NEK10: variants seen among roughly 807,000 people sequenced by gnomAD.
The protein encoded by NEK10 is serine/threonine-protein kinase Nek10.
In NEK10, 122 loss-of-function variants were observed where a neutral mutation model predicts 159.8. The observed-to-expected ratio is 0.76, with a 90% CI of 0.66 to 0.89. The LOEUF is 0.89. NEK10 is among the 40% of genes least tolerant of loss of function. The pLI is 0.00. For missense variants in NEK10, 1,342 were observed against 1,323.1 expected (o/e 1.01, Z -0.22); for synonymous variants, 466 against 457.1 (o/e 1.02, Z -0.25).
chr3:27,287,288 T>A (rs2042691261), intron 20 of NEK10, among the ~76,000 whole-genome samples: 1 of 152,184 alleles, frequency 6.6e-6, no homozygotes, highest in South Asian at 2.1e-4. Context: ...GAACTTCAGG[T>A]AAAAGAAATC....
intron 22 of NEK10, among the ~76,000 whole-genome samples, chr3:27,272,413 A>G (rs1271153755): frequency 1.3e-5 from 2 of 152,132 alleles, no homozygotes; most frequent in African/African-American, 4.8e-5. Context: ...TTGTATCTGC[A>G]TCTTTCTTTT....
intron 23 of NEK10, among the ~76,000 whole-genome samples, chr3:27,238,952 A>G (rs1954265945): frequency 6.6e-6 from 1 of 152,088 alleles, no homozygotes; most frequent in African/African-American, 2.4e-5. Context: ...CCCTCTATAA[A>G]TGAAGATTTG....
At chr3:27,211,860 A>G (rs1951035046) in intron 23 of NEK10, among the ~76,000 whole-genome samples, 1 of 152,224 alleles carries the variant, frequency 6.6e-6, no homozygotes, top group Non-Finnish European at 1.5e-5. Flanking sequence ...CCATGAAGAA[A>G]ACAGACTATT....
chr3:27,236,285 C>T (rs1953906055), intron 23 of NEK10, among the ~76,000 whole-genome samples: 1 of 151,932 alleles, frequency 6.6e-6, no homozygotes, highest in Admixed American at 6.6e-5. Context: ...TACACCTGAA[C>T]TTAAAAGTTA....
intron 22 of NEK10, among the ~76,000 whole-genome samples, chr3:27,277,505 A>C (rs141254060): frequency 7.9e-5 from 12 of 152,138 alleles, no homozygotes; most frequent in African/African-American, 2.7e-4. Flanking sequence ...TCTGAGGATA[A>C]GTCTTTGACC....
At chr3:27,117,900 T>C (rs1262371887) in intron 33 of NEK10, among the ~76,000 whole-genome samples, 1 of 152,334 alleles carries the variant, frequency 6.6e-6, no homozygotes, top group Admixed American at 6.5e-5. Context: ...CCCAGGCCTA[T>C]GTCCTGAATG....
intron 1 of NEK10, among the ~76,000 whole-genome samples, chr3:27,368,802 A>T (rs2049297131): frequency 6.6e-6 from 1 of 152,140 alleles, no homozygotes; most frequent in South Asian, 2.1e-4. Flanking sequence ...GGCTCACCGA[A>T]GTAGGGCAGA....
At chr3:27,282,636 T>TGTGTTATATATATATACATAACC (rs2042279805) in intron 22 of NEK10, among the ~76,000 whole-genome samples, 1 of 138,370 alleles carries the variant, frequency 7.2e-6, no homozygotes, top group African/African-American at 2.7e-5. Flanking sequence ...TATACATAAC[T>TGTGTTATATATATATACATAACC]GTGTTATATA....
chr3:27,309,804 A>G (rs1369540871), intron 9 of NEK10: 2 of 152,238 alleles, frequency 1.3e-5, no homozygotes. Flanking sequence ...TAAACAAGAT[A>G]TGAATACTAT....
At chr3:27,303,559 T>C (rs1418743759) in intron 12 of NEK10, among the ~76,000 whole-genome samples, 3 of 152,356 alleles carry the variant, frequency 2.0e-5, no homozygotes, top group Non-Finnish European at 4.4e-5. Flanking sequence ...GAATGACTTA[T>C]AATTTATACT....
intron 11 of NEK10, 33 bp downstream of exon 11, chr3:27,307,826 T>C (rs758879976): frequency 1.2e-5 from 12 of 980,672 alleles, no homozygotes; most frequent in Middle Eastern, 2.1e-4. Context: ...ATAAAGGCAC[T>C]GCATTGTCTT....
At chr3:27,325,299 G>A (rs1559503871) in intron 5 of NEK10, among the ~76,000 whole-genome samples, 2 of 152,168 alleles carry the variant, frequency 1.3e-5, no homozygotes, top group South Asian at 2.1e-4. Context: ...GGGAGATAAT[G>A]GAAGCTATTC....
At chr3:27,331,424 G>A (rs1223818941) in intron 5 of NEK10, among the ~76,000 whole-genome samples, 1 of 151,994 alleles carries the variant, frequency 6.6e-6, no homozygotes, top group Admixed American at 6.6e-5. Context: ...AACCTTCAAA[G>A]GTCTCTATTG....
At chr3:27,319,280 G>C (rs898628865) in intron 6 of NEK10, among the ~76,000 whole-genome samples, 19 of 152,142 alleles carry the variant, frequency 1.2e-4, no homozygotes, top group Non-Finnish European at 2.8e-4. Context: ...CTCAATACGT[G>C]TCTTCGTTTA....
intron 30 of NEK10, among the ~76,000 whole-genome samples, chr3:27,142,097 T>C (rs1302519632): frequency 6.6e-6 from 1 of 152,230 alleles, no homozygotes; most frequent in Non-Finnish European, 1.5e-5. Flanking sequence ...CCTTTGATTA[T>C]TACAAATTAT....
At chr3:27,286,209 C>T (rs2042592096) in intron 20 of NEK10, among the ~76,000 whole-genome samples, 1 of 150,104 alleles carries the variant, frequency 6.7e-6, no homozygotes, top group East Asian at 2.0e-4. Context: ...CCTCAGTCTC[C>T]CAAGTAGCTG....
Position 27,269,188 on chromosome 3 carries a change from T to C in NEK10, c.2015-12817A>G, listed in dbSNP as rs190271164. Among the ~76,000 whole-genome samples the C allele has an allele frequency of 4.3e-3, 658 of 152,264 alleles. 7 individuals are homozygous for C. Among genetic ancestry groups the C allele is most frequent in the African/African-American group, 0.015 (635 of 41,562 alleles). On this transcript the variant is annotated intron_variant, in intron 22 of 35. Transcript: ENST00000691995. ...ACTCCTGGGAAAGATGCTGTGAACG[T>C]TGTTAAAATGACAAGAAAAGATTTA...
chr3:27,153,503 C>T (rs1026732706), intron 30 of NEK10, among the ~76,000 whole-genome samples: 3 of 152,118 alleles, frequency 2.0e-5, no homozygotes, highest in Non-Finnish European at 4.4e-5. Context: ...GCAAAACATA[C>T]ATTCTATTCA....
At chr3:27,281,642 A>C (rs1432211725) in intron 22 of NEK10, among the ~76,000 whole-genome samples, 1 of 152,186 alleles carries the variant, frequency 6.6e-6, no homozygotes, top group Non-Finnish European at 1.5e-5. Flanking sequence ...CGCCCAAAGC[A>C]CTCTTTATTA....
Sources: gnomAD v4.1 joint callset for allele counts (sites outside exome capture counted in the v4.1 genomes callset) on GRCh38, gnomAD v4.1.1 for gene constraint, MANE v1.5 for transcripts, NCBI Gene and HGNC (gene_info 2026-07-23, HGNC 2026-07-21) for gene names.